SYNE1: variants seen among roughly 807,000 people sequenced by gnomAD.
SYNE1 encodes spectrin repeat containing nuclear envelope protein 1.
Under a neutral mutation model 1,111.0 loss-of-function variants are expected in SYNE1, and 616 were observed. The observed-to-expected ratio is 0.55, with a 90% CI of 0.52 to 0.59. SYNE1 has a LOEUF of 0.59. Ranked by LOEUF, SYNE1 falls within the 20% of genes least tolerant of loss-of-function variation. The pLI is 0.00. For synonymous variants in SYNE1, 3,855 were observed against 3,825.8 expected (o/e 1.01, Z -0.28); for missense variants, 10,006 against 10,417.0 (o/e 0.96, Z 1.72).
At chr6:152,171,919 C>T (rs1040463885) in intron 130 of SYNE1, among the ~76,000 whole-genome samples, 6 of 152,334 alleles carry the variant, frequency 3.9e-5, no homozygotes, top group Admixed American at 2.6e-4. Flanking sequence ...CTACAGAAAA[C>T]ATTTGCCAAC....
rs1338809032 is a variant in SYNE1, at chr6:152,121,941, G to C, written c.*495C>G. 2 of 161,270 alleles carry C rather than the reference G, an allele frequency of 1.2e-5. No individual in the cohort carries two copies. Among genetic ancestry groups the C allele is most frequent in the South Asian group, 1.7e-4 (1 of 5,884 alleles). The allele number at this position is 161,270 out of a possible 1,614,324, so 10.0% of individuals were successfully genotyped here. On this transcript the variant is annotated 3_prime_UTR_variant, in exon 146 of 146. Coordinates refer to ENST00000367255, the MANE Select transcript of SYNE1 (RefSeq NM_182961.4). ...GCCCCAAAGGAAAACAAGGTAAAAA[G>C]GAAGCTGCCATATAAGCTCTTAAAA...
chr6:152,493,119 A>T (rs978575442), intron 11 of SYNE1, among the ~76,000 whole-genome samples: 4 of 151,004 alleles, frequency 2.6e-5, no homozygotes, highest in East Asian at 2.0e-4. Context: ...AGACAACTCT[A>T]CTCCCTCCCT....
At chr6:152,158,162 A>G (rs1392931061) in intron 131 of SYNE1, among the ~76,000 whole-genome samples, 1 of 152,248 alleles carries the variant, frequency 6.6e-6, no homozygotes, top group Non-Finnish European at 1.5e-5. Flanking sequence ...TTAACTGTAT[A>G]AAATGTAAAT....
chr6:152,354,830 C>T lies in SYNE1; in HGVS notation c.10755G>A (p.Arg3585=). 1 of 1,614,152 alleles carries T rather than the reference C, an allele frequency of 6.2e-7. No homozygotes were observed. Among genetic ancestry groups the T allele is most frequent in the Non-Finnish European group, 8.5e-7 (1 of 1,180,046 alleles). Residue 3585 remains arginine, a synonymous_variant, in exon 67 of 146, where the codon AGG becomes AGA. Coordinates refer to ENST00000367255, the MANE Select transcript of SYNE1 (RefSeq NM_182961.4). ...LRQDWQAYQH[R]LSETRTQFNN... ...TGAACTGAGTTCGAGTCTCGGACAG[C>T]CTGTGCTGGTAAGCCTGCCAGTCTT...
At chr6:152,369,299 C>T in intron 60 of SYNE1, 172 bp from the exon 61 acceptor site, 1 of 1,352,306 alleles carries the variant, frequency 7.4e-7, no homozygotes, top group Non-Finnish European at 1.0e-6. Flanking sequence ...GGAAACAAAT[C>T]ATACTTCCAA....
chr6:152,616,830 G>A (rs1160777149), intron 3 of SYNE1, among the ~76,000 whole-genome samples: 1 of 152,094 alleles, frequency 6.6e-6, no homozygotes, highest in African/African-American at 2.4e-5. Context: ...GCTTCATGGT[G>A]TGTGACCTGA....
rs144685965 is a variant in SYNE1 at position 152,143,623 on chromosome 6, G to A, written c.25119C>T (p.Tyr8373=). The change falls in exon 138 of 146, where the codon TAC becomes TAT. Residue 8373 remains tyrosine, a splice_region_variant and synonymous_variant. Transcript: ENST00000367255. ...GPELDTSYKG[Y]MKLLGECSSS... ...GAATCAGGATGGCCAGGATACTTACGTAGCCTTTGTAGCTGGTGTCTAGCT... is the reference window on the plus strand; with the variant it reads ...GAATCAGGATGGCCAGGATACTTACATAGCCTTTGTAGCTGGTGTCTAGCT... 5 of 1,614,034 alleles carry A rather than the reference G, an allele frequency of 3.1e-6. No individual in the cohort carries two copies. Among genetic ancestry groups the A allele is most frequent in the African/African-American group, 1.3e-5 (1 of 74,924 alleles).
intron 127 of SYNE1, among the ~76,000 whole-genome samples, chr6:152,200,429 G>A (rs529058204): frequency 6.6e-6 from 1 of 152,252 alleles, no homozygotes; most frequent in African/African-American, 2.4e-5. Context: ...TTTACAGACA[G>A]GGTCTCACTC....
At chr6:152,365,662 G>A (rs1421423975) in intron 62 of SYNE1, among the ~76,000 whole-genome samples, 2 of 150,490 alleles carry the variant, frequency 1.3e-5, no homozygotes, top group African/African-American at 2.5e-5. Flanking sequence ...AGGTGAGGTC[G>A]ATGCCCAGCC....
In SYNE1 at chr6:152,428,237, C is replaced by G; in HGVS notation, c.4944G>C (p.Thr1648=). 1 of 1,613,852 alleles carries G rather than the reference C, an allele frequency of 6.2e-7. No homozygotes were observed. The change falls in exon 37 of 146, where the codon ACG becomes ACC. Residue 1648 remains threonine, a synonymous_variant. Transcript: ENST00000367255. ...AGTGGGCCAGCAGATTCTCCAGCGC[C>G]GTCTGTCTCTCCTTCGCCCTCCTTA... ...DILRRAKERQ[T]ALENLLAHWQ...
intron 52 of SYNE1, 56 bp from the exon 53 acceptor site, chr6:152,390,508 T>TA (rs952995401): frequency 1.8e-5 from 28 of 1,569,914 alleles, no homozygotes; most frequent in South Asian, 4.5e-5. Context: ...TCTTCTATTT[T>TA]AAAAAAATGG....
At chr6:152,393,423 T>G (rs1324779942) in intron 51 of SYNE1, among the ~76,000 whole-genome samples, 2 of 151,914 alleles carry the variant, frequency 1.3e-5, no homozygotes, top group African/African-American at 4.8e-5. Context: ...AAAGCAAAAT[T>G]TAAGTGCAAT....
At chr6:152,409,790 TC>T in intron 42 of SYNE1, 81 bp from the exon 43 acceptor site, 17 of 1,461,944 alleles carry the variant, frequency 1.2e-5, no homozygotes, top group Non-Finnish European at 1.3e-5. Context: ...ACTTGATGTT[TC>T]ACTACGTAAA....
intron 127 of SYNE1, among the ~76,000 whole-genome samples, chr6:152,199,599 A>G (rs1213754159): frequency 6.6e-6 from 1 of 152,214 alleles, no homozygotes; most frequent in Non-Finnish European, 1.5e-5. Context: ...CAGTTTTGCA[A>G]TTTGTATAAC....
intron 128 of SYNE1, among the ~76,000 whole-genome samples, chr6:152,186,582 AAAAAAAAAAAAAAAG>A (rs1374827713): frequency 3.3e-4 from 47 of 143,674 alleles, no homozygotes; most frequent in South Asian, 8.7e-4. Context: ...AAAAAAAAAA[AAAAAAAAAAAAAAAG>A]AAGAAGAAGA....
intron 4 of SYNE1, among the ~76,000 whole-genome samples, chr6:152,529,637 T>A (rs2099186342): frequency 6.6e-6 from 1 of 152,132 alleles, no homozygotes; most frequent in Admixed American, 6.6e-5. Context: ...AGATACAGAT[T>A]ATAATCAGCA....
intron 90 of SYNE1, 150 bp downstream of exon 90, chr6:152,309,685 C>T: frequency 1.0e-6 from 1 of 966,152 alleles, no homozygotes; most frequent in African/African-American, 1.6e-5. Context: ...CAAATGACAG[C>T]ATTTTAATCT....
intron 3 of SYNE1, among the ~76,000 whole-genome samples, chr6:152,577,939 C>T (rs2099505582): frequency 6.6e-6 from 1 of 152,118 alleles, no homozygotes; most frequent in South Asian, 2.1e-4. Flanking sequence ...ATAACAAACT[C>T]CACATCTTCT....
At chr6:152,160,070 G>A (rs888837553) in intron 131 of SYNE1, among the ~76,000 whole-genome samples, 1 of 151,836 alleles carries the variant, frequency 6.6e-6, no homozygotes, top group Non-Finnish European at 1.5e-5. Context: ...ACAGTGGCGC[G>A]ATCTCCGCTC....
Sources: gnomAD v4.1 joint callset for allele counts (sites outside exome capture counted in the v4.1 genomes callset) on GRCh38, gnomAD v4.1.1 for gene constraint, MANE v1.5 for transcripts, NCBI Gene and HGNC (gene_info 2026-07-23, HGNC 2026-07-21) for gene names.